Variants in MACROD2 observed in about 807,000 individuals in gnomAD.
The protein encoded by MACROD2 is ADP-ribose glycohydrolase MACROD2.
MACROD2 carries 36 observed loss-of-function variants against 70.4 expected under a neutral mutation model. The ratio of observed to expected loss-of-function variants is 0.51; its 90% CI spans 0.39 to 0.68. The LOEUF is 0.68. Among genes scored for constraint, MACROD2 ranks in the 30% least tolerant of loss-of-function variants. MACROD2 has a pLI of 0.00. For missense variants in MACROD2, 496 were observed against 538.4 expected (o/e 0.92, Z 0.78); for synonymous variants, 172 against 178.8 (o/e 0.96, Z 0.30).
At chr20:15,934,651 A>G (rs2065630093) in intron 11 of MACROD2, among the ~76,000 whole-genome samples, 1 of 151,812 alleles carries the variant, frequency 6.6e-6, no homozygotes, top group East Asian at 1.9e-4. Flanking sequence ...TTCACTCACT[A>G]TCGTGTCCCA....
intron 8 of MACROD2, among the ~76,000 whole-genome samples, chr20:15,526,054 GA>G (rs2047717591): frequency 6.6e-6 from 1 of 152,138 alleles, no homozygotes; most frequent in South Asian, 2.1e-4. Flanking sequence ...TTCAAAAAGA[GA>G]AAATAGATTT....
intron 5 of MACROD2, among the ~76,000 whole-genome samples, chr20:14,786,085 T>G (rs1271293340): frequency 6.6e-6 from 1 of 151,980 alleles, no homozygotes; most frequent in Non-Finnish European, 1.5e-5. Context: ...ATTGCTTCTG[T>G]CAGATCCTTA....
At chr20:15,474,526 G>C (rs886975190) in intron 7 of MACROD2, among the ~76,000 whole-genome samples, 4 of 152,184 alleles carry the variant, frequency 2.6e-5, no homozygotes, top group African/African-American at 7.2e-5. Context: ...GCTTCAGAAT[G>C]CCTAATGTAC....
At chr20:15,762,557 A>G (rs2051453306) in intron 8 of MACROD2, among the ~76,000 whole-genome samples, 2 of 152,284 alleles carry the variant, frequency 1.3e-5, no homozygotes, top group African/African-American at 4.8e-5. Context: ...GAGTTTGACC[A>G]TGTGACTTGC....
chr20:15,842,722 A>ATAGATAGC (rs2064186359), intron 8 of MACROD2, among the ~76,000 whole-genome samples: 1 of 35,040 alleles, frequency 2.9e-5, no homozygotes, highest in Non-Finnish European at 4.9e-5. Context: ...GGATAGATAG[A>ATAGATAGC]TAGATAGATA....
chr20:14,493,681 A>T, intron 4 of MACROD2, 173 bp downstream of exon 4: 1 of 546,164 alleles, frequency 1.8e-6, no homozygotes, highest in South Asian at 2.3e-5. Flanking sequence ...GGTTTGCTTA[A>T]ATGTTATTTT....
chr20:15,075,813 C>T (rs1271562715), intron 5 of MACROD2, among the ~76,000 whole-genome samples: 2 of 152,072 alleles, frequency 1.3e-5, no homozygotes, highest in Non-Finnish European at 2.9e-5. Flanking sequence ...AACACAGTGA[C>T]CACTGCAGGG....
intron 3 of MACROD2, among the ~76,000 whole-genome samples, chr20:14,309,674 A>G (rs2082549412): frequency 6.6e-6 from 1 of 152,186 alleles, no homozygotes; most frequent in South Asian, 2.1e-4. Flanking sequence ...AGGAGAATAG[A>G]GAGAATTGCC....
At chr20:15,218,293 T>G (rs557210389) in intron 5 of MACROD2, among the ~76,000 whole-genome samples, 1 of 152,200 alleles carries the variant, frequency 6.6e-6, no homozygotes. Context: ...TTTTACACTT[T>G]GTTTTCTCTT....
intron 8 of MACROD2, among the ~76,000 whole-genome samples, chr20:15,772,455 G>T (rs1475265926): frequency 1.3e-5 from 2 of 151,962 alleles, no homozygotes; most frequent in East Asian, 3.9e-4. Context: ...TTCTCAACTG[G>T]CAAGGAAGCT....
chr20:15,110,903 A>C (rs539228363), intron 5 of MACROD2, among the ~76,000 whole-genome samples: 4 of 152,324 alleles, frequency 2.6e-5, no homozygotes, highest in Non-Finnish European at 5.9e-5. Context: ...TTTTCTAAGA[A>C]AACAACCACC....
At chr20:15,183,368 C>CAATAAAATAA (rs200530026) in intron 5 of MACROD2, among the ~76,000 whole-genome samples, 1 of 151,560 alleles carries the variant, frequency 6.6e-6, no homozygotes, top group South Asian at 2.1e-4. Context: ...GATGCCATCT[C>CAATAAAATAA]AATAAAATAA....
chr20:14,628,239 C>T (rs1984299088), intron 4 of MACROD2, among the ~76,000 whole-genome samples: 1 of 152,060 alleles, frequency 6.6e-6, no homozygotes, highest in Non-Finnish European at 1.5e-5. Flanking sequence ...TAACTTCAGG[C>T]AGGGGAGTGA....
At chr20:14,813,291 C>T (rs1173178065) in intron 5 of MACROD2, among the ~76,000 whole-genome samples, 1 of 151,736 alleles carries the variant, frequency 6.6e-6, no homozygotes, top group South Asian at 2.1e-4. Context: ...CAACCCATCA[C>T]CTAGGTATTA....
chr20:14,030,432 G>A (rs1243260779), intron 2 of MACROD2, among the ~76,000 whole-genome samples: 6 of 151,032 alleles, frequency 4.0e-5, no homozygotes, highest in Non-Finnish European at 8.8e-5. Context: ...TTTTTGAGAT[G>A]GAGTCTTGTG....
intron 5 of MACROD2, among the ~76,000 whole-genome samples, chr20:15,204,986 T>C (rs1377323700): frequency 6.6e-6 from 1 of 152,228 alleles, no homozygotes; most frequent in South Asian, 2.1e-4. Context: ...AACCTTTAAT[T>C]ACTCTACAGA....
chr20:14,876,219 A>G (rs1209121756), intron 5 of MACROD2, among the ~76,000 whole-genome samples: 2 of 148,336 alleles, frequency 1.3e-5, no homozygotes, highest in African/African-American at 2.5e-5. Flanking sequence ...TTTCTGTAAT[A>G]ATTAGTGAGG....
chr20:14,669,416 C>T (rs1464773256), intron 4 of MACROD2, among the ~76,000 whole-genome samples: 4 of 151,770 alleles, frequency 2.6e-5, no homozygotes, highest in African/African-American at 9.7e-5. Context: ...CTTTTTTGCT[C>T]CTTAATATTT....
At chr20:15,555,212 G>A (rs1378075071) in intron 8 of MACROD2, among the ~76,000 whole-genome samples, 1 of 152,124 alleles carries the variant, frequency 6.6e-6, no homozygotes, top group East Asian at 1.9e-4. Context: ...CAGCCCTGTG[G>A]TAGAGAAGCC....
Sources: gnomAD v4.1 joint callset for allele counts (sites outside exome capture counted in the v4.1 genomes callset) on GRCh38, gnomAD v4.1.1 for gene constraint, MANE v1.5 for transcripts, NCBI Gene and HGNC (gene_info 2026-07-23, HGNC 2026-07-21) for gene names.